Variants in ANKRD52 observed in about 807,000 individuals in gnomAD.
ANKRD52 encodes the protein serine/threonine-protein phosphatase 6 regulatory ankyrin repeat subunit C.
In ANKRD52, 7 loss-of-function variants were observed where a neutral mutation model predicts 116.0. The observed-to-expected ratio is 0.06, with a 90% CI of 0.03 to 0.11. The LOEUF (loss-of-function observed/expected upper bound fraction) is 0.11, where lower values mean the gene tolerates loss of function less well. Ranked by LOEUF, ANKRD52 falls within the 10% of genes least tolerant of loss-of-function variation. The pLI is 1.00. For synonymous variants in ANKRD52, 528 were observed against 578.1 expected (o/e 0.91, Z 1.24); for missense variants, 839 against 1,408.6 (o/e 0.60, Z 6.47).
rs757659582 is a variant in ANKRD52, at chr12:56,247,505, G to T, written c.2172C>A (p.Ala724=). ...ADAADLRGRT[A]LHRGAVTGCE... ...GAAGCTCACTCACCCCGCGGTGGAG[G>T]GCAGTGCGGCCCCGGAGGTCAGCAG... is the stretch of plus-strand genomic sequence containing the variant. Residue 724 remains alanine, a synonymous_variant, in exon 20 of 28, where the codon GCC becomes GCA. Transcript: ENST00000267116. 1 of 1,582,498 alleles carries T rather than the reference G, an allele frequency of 6.3e-7. No homozygotes were observed. The highest frequency in any genetic ancestry group is 1.2e-5 in the South Asian group (1 of 86,416).
At position 56,245,437 on chromosome 12, in the gene ANKRD52, G is replaced by A. The variant is rs937066972; in HGVS notation, c.2344C>T (p.Pro782Ser). Reference protein sequence around the residue: ...TLLQAALSTDPLDAGVDYSGY... With the variant: ...TLLQAALSTDSLDAGVDYSGY... ...CTGTAATCCACCCCGGCATCCAGGG[G>A]ATCTGTGGAAAGGGCAGCCTGCAGC... The change falls in exon 21 of 28, where the codon CCC becomes TCC. Residue 782 changes from proline to serine, a missense_variant. Physicochemically the swap from Pro to Ser is moderately conservative, Grantham distance 74. Transcript: ENST00000267116. 5 of 1,612,980 alleles carry A rather than the reference G, an allele frequency of 3.1e-6. No homozygotes were observed. Among genetic ancestry groups the A allele is most frequent in the Non-Finnish European group, 2.5e-6 (3 of 1,179,514 alleles).
intron 15 of ANKRD52, among the ~76,000 whole-genome samples, chr12:56,249,480 C>A (rs894051631): frequency 6.6e-6 from 1 of 152,072 alleles, no homozygotes; most frequent in African/African-American, 2.4e-5. Flanking sequence ...TATTTTTATC[C>A]TTACTGTGGG....
chr12:56,249,480 C>T (rs894051631), intron 15 of ANKRD52, among the ~76,000 whole-genome samples: 1 of 152,072 alleles, frequency 6.6e-6, no homozygotes, highest in African/African-American at 2.4e-5. Flanking sequence ...TATTTTTATC[C>T]TTACTGTGGG....
chr12:56,248,621 C>A lies in ANKRD52; in HGVS notation c.1705-55G>T. ...ACTCTGGAACTCCCAAGATAGTACCCCAGTCCCCGACTCGCAGTAATCCCC... is the reference window on the plus strand; with the variant it reads ...ACTCTGGAACTCCCAAGATAGTACCACAGTCCCCGACTCGCAGTAATCCCC... On this transcript the variant is annotated intron_variant, in intron 16 of 27. Transcript: ENST00000267116. This position sits in a 1 kb window ranked among gnomAD's most constrained non-coding sequence, Gnocchi z 5.1. The A allele has an allele frequency of 6.6e-7, 1 of 1,523,768 alleles. No individual in the cohort carries two copies. Among genetic ancestry groups the A allele is most frequent in the Non-Finnish European group, 8.9e-7 (1 of 1,118,616 alleles). The allele number at this position is 1,523,768 out of a possible 1,614,324, so 94.4% of individuals were successfully genotyped here.
At chr12:56,247,297 G>A (rs755148210) in intron 20 of ANKRD52, among the ~76,000 whole-genome samples, 196 bp downstream of exon 20, 61 of 147,124 alleles carry the variant, frequency 4.1e-4, no homozygotes, top group Non-Finnish European at 8.2e-4. Flanking sequence ...AGTGAGCTGT[G>A]ATAGTGTCAC....
intron 1 of ANKRD52, 42 bp downstream of exon 1, chr12:56,258,201 G>A (rs200772980): frequency 6.3e-7 from 1 of 1,590,586 alleles, no homozygotes; most frequent in South Asian, 1.1e-5. Flanking sequence ...CGGCAGCGCC[G>A]AGCCCTGGAA....
chr12:56,250,152 G>A (rs1023537653), intron 15 of ANKRD52, among the ~76,000 whole-genome samples: 12 of 152,032 alleles, frequency 7.9e-5, no homozygotes, highest in African/African-American at 2.2e-4. Flanking sequence ...AGCTGAGATC[G>A]CGCAACTGCA....
At position 56,243,815 on chromosome 12, in the gene ANKRD52, C is replaced by A; in HGVS notation, c.2950G>T (p.Gly984Trp). 6.4e-7 allele frequency: 1 copy of A among 1,563,172 alleles called. No individual in the cohort carries two copies. The highest frequency in any genetic ancestry group is 2.4e-5 in the East Asian group (1 of 41,766). The change falls in exon 27 of 28, where the codon GGG becomes TGG. Residue 984 changes from glycine (G) to tryptophan (W), a missense_variant. This residue lies in a region of ANKRD52 where 552 missense variants were observed against 810.6 expected (regional missense o/e 0.68). Coordinates refer to ENST00000267116, the MANE Select transcript of ANKRD52 (RefSeq NM_173595.4). The surrounding 1 kb of genome is among the most constrained non-coding windows in gnomAD (Gnocchi z 4.6). ...ASVVQALLSH[G>W]ATVLAVDEEG... The stretch of plus-strand genomic sequence containing the variant: ...TCATCCACAGCCAGCACTGTGGCCC[C>A]ATGACTCAGCAGGGCCTGTACCACA...
Position 56,251,998 on chromosome 12 carries a change from C to T in ANKRD52, c.1592+17G>A. 1 of 1,611,574 alleles carries T rather than the reference C, an allele frequency of 6.2e-7. No homozygotes were observed. On this transcript the variant is annotated intron_variant, in intron 15 of 27. Coordinates refer to ENST00000267116, the MANE Select transcript of ANKRD52 (RefSeq NM_173595.4). ...GGTTGGGGAAAGCACATCCCAGGGG[C>T]CCTCTCTGCTACTCACAAGAAGGCC...
At chr12:56,245,773 G>A (rs1054525614) in intron 20 of ANKRD52, among the ~76,000 whole-genome samples, 177 bp from the exon 21 acceptor site, 1 of 147,870 alleles carries the variant, frequency 6.8e-6, no homozygotes, top group African/African-American at 2.5e-5. Context: ...GGAGTGCAGT[G>A]GCATAATCTC....
At position 56,245,071 on chromosome 12, in the gene ANKRD52, C is replaced by T. The variant is rs753651440; in HGVS notation, c.2492+32G>A. On this transcript the variant is annotated intron_variant, in intron 22 of 27. Coordinates refer to ENST00000267116, the MANE Select transcript of ANKRD52 (RefSeq NM_173595.4). Reference sequence around the variant, plus strand: ...CCTAAGCTCAAGTCATGGGCCCTCGCGAGAAGGGCTGATGCAGCAGAAGGG... The same window carrying T: ...CCTAAGCTCAAGTCATGGGCCCTCGTGAGAAGGGCTGATGCAGCAGAAGGG... 3.9e-5 allele frequency: 63 copies of T among 1,612,742 alleles called. 1 individual carries two copies. Among genetic ancestry groups the T allele is most frequent in the South Asian group, 3.3e-4 (30 of 91,048 alleles).
Position 56,255,867 on chromosome 12 carries a change from C to T in ANKRD52, c.379G>A (p.Ala127Thr), listed in dbSNP as rs1871929193. ...ACGTTGAGGCTGCTCAACAGGGGTG[C>T]CAGAGCCTCAGCACACTTGGTGGCC... ...NRATKCAEALAPLLSSLNVAD... is the reference protein window; with the variant it reads ...NRATKCAEALTPLLSSLNVAD... Residue 127 changes from alanine to threonine, a missense_variant, in exon 5 of 28, where the codon GCA becomes ACA. By Grantham distance (58) the Ala-to-Thr change is moderately conservative. Transcript: ENST00000267116. This position sits in a 1 kb window ranked among gnomAD's most constrained non-coding sequence, Gnocchi z 4.3. 2 of 1,575,872 alleles carry T rather than the reference C, an allele frequency of 1.3e-6. No homozygotes were observed. Among genetic ancestry groups the T allele is most frequent in the South Asian group, 1.2e-5 (1 of 86,358 alleles).
intron 15 of ANKRD52, among the ~76,000 whole-genome samples, chr12:56,249,120 G>A (rs1426389674): frequency 6.6e-6 from 1 of 152,188 alleles, no homozygotes; most frequent in Non-Finnish European, 1.5e-5. Flanking sequence ...TGCTCTCCTA[G>A]AGAACCTAGA....
In ANKRD52 at chr12:56,246,965, AATAATAAT is replaced by A. The variant is rs1244383868; in HGVS notation, c.2184+520_2184+527del. On this transcript the variant is annotated intron_variant, in intron 20 of 27. Coordinates refer to ENST00000267116, the MANE Select transcript of ANKRD52 (RefSeq NM_173595.4). ...TAATAATAATAATAATAATAATAAT[AATAATAAT>A]AAACAAAGCACAGATATCAGGGAAA... Among the ~76,000 whole-genome samples, 8 of 144,180 alleles carry A rather than the reference AATAATAAT, an allele frequency of 5.5e-5. No homozygotes were observed. In the East Asian group the frequency reaches 1.4e-3, roughly 25 times the overall value. The allele number at this position is 144,180 out of a possible 152,430, so 94.6% of individuals were successfully genotyped here.
At position 56,247,724 on chromosome 12, in the gene ANKRD52, G is replaced by C. The variant is rs1204677342; in HGVS notation, c.2029C>G (p.Arg677Gly). The change falls in exon 19 of 28, where the codon CGA (arginine) becomes GGA (glycine). Residue 677 changes from arginine to glycine, a missense_variant. Physicochemically the swap from Arg to Gly is moderately radical, Grantham distance 125 (BLOSUM62 -2). Coordinates refer to ENST00000267116, the MANE Select transcript of ANKRD52 (RefSeq NM_173595.4). ...SLHLLIDSGE[R>G]ADITDVMDAY... is the part of the protein sequence containing the mutation. Reference sequence around the variant, plus strand: ...TCCATGACATCTGTGATGTCAGCTCGTTCCCCACTGTCGATCAGCAAGTGC... The same window carrying C: ...TCCATGACATCTGTGATGTCAGCTCCTTCCCCACTGTCGATCAGCAAGTGC... 3 of 1,612,588 alleles carry C rather than the reference G, an allele frequency of 1.9e-6. No individual in the cohort carries two copies. The East Asian group carries it at 6.7e-5, about 36-fold the overall frequency.
intron 15 of ANKRD52, among the ~76,000 whole-genome samples, chr12:56,250,219 AT>A (rs1871619622): frequency 2.0e-5 from 3 of 150,532 alleles, no homozygotes; most frequent in Non-Finnish European, 4.5e-5. Flanking sequence ...AAATTAATTA[AT>A]TTATTTATTT....
chr12:56,249,867 C>G (rs1871600906), intron 15 of ANKRD52, among the ~76,000 whole-genome samples: 1 of 152,134 alleles, frequency 6.6e-6, no homozygotes, highest in African/African-American at 2.4e-5. Context: ...TGGTGAAACC[C>G]CGTCTGTACT....
chr12:56,248,045 C>T lies in ANKRD52; in HGVS notation c.1956G>A (p.Lys652=), dbSNP rs1170771054. ...AACCAGCAGCGTGCAGGGGTGTCCA[C>T]TTGCGCTTGCGCTCCTTGATGAGGG... ...ASALIKERKR[K]WTPLHAAAAS... The change falls in exon 18 of 28, where the codon AAG becomes AAA. Residue 652 remains lysine, a synonymous_variant. Transcript: ENST00000267116. The surrounding 1 kb of genome is among the most constrained non-coding windows in gnomAD (Gnocchi z 5.1). The T allele has an allele frequency of 1.2e-6, 2 of 1,606,968 alleles. No homozygotes were observed. The highest frequency in any genetic ancestry group is 2.7e-5 in the African/African-American group (2 of 75,046).
At chr12:56,256,088 G>C in intron 4 of ANKRD52, 104 bp from the exon 5 acceptor site, 1 of 1,138,824 alleles carries the variant, frequency 8.8e-7, no homozygotes, top group East Asian at 2.6e-5. Flanking sequence ...CCCTTCCCCA[G>C]CACAGAATCT....
Sources: allele counts gnomAD v4.1 joint callset (sites outside exome capture counted in the v4.1 genomes callset), GRCh38; gene constraint gnomAD v4.1.1; regional missense constraint gnomAD v4.1.1; non-coding constraint Gnocchi (gnomAD v3.1); transcripts MANE v1.5; gene names NCBI Gene and HGNC (gene_info 2026-07-23, HGNC 2026-07-21).